The following MRTFA variants were observed in gnomAD, a reference collection of about 807,000 sequenced individuals.
The protein encoded by MRTFA is myocardin-related transcription factor A.
Under a neutral mutation model 83.5 loss-of-function variants are expected in MRTFA, and 20 were observed. The observed-to-expected ratio is 0.24, with a 90% CI of 0.17 to 0.35. MRTFA has a LOEUF of 0.35. Among genes scored for constraint, MRTFA ranks in the 10% least tolerant of loss-of-function variants. MRTFA has a pLI of 1.00. For synonymous variants in MRTFA, 659 were observed against 541.2 expected (o/e 1.22, Z -3.02); for missense variants, 1,200 against 1,224.7 (o/e 0.98, Z 0.30).
At chr22:40,477,403 A>C (rs1197102504) in intron 3 of MRTFA, among the ~76,000 whole-genome samples, 1 of 151,872 alleles carries the variant, frequency 6.6e-6, no homozygotes, top group African/African-American at 2.4e-5. Context: ...GGGAGACCAA[A>C]AGACATCAGA....
intron 3 of MRTFA, among the ~76,000 whole-genome samples, chr22:40,536,317 T>G (rs2055172845): frequency 2.0e-5 from 3 of 151,062 alleles, no homozygotes; most frequent in African/African-American, 7.2e-5. Flanking sequence ...AATAAATAAA[T>G]GGGCCGAAGC....
chr22:40,530,577 G>A (rs1019479755), intron 3 of MRTFA, among the ~76,000 whole-genome samples: 1 of 152,234 alleles, frequency 6.6e-6, no homozygotes, highest in Non-Finnish European at 1.5e-5. Flanking sequence ...GATTACAGGC[G>A]TGCGCCACCG....
chr22:40,502,236 C>G (rs1333483991), intron 3 of MRTFA, among the ~76,000 whole-genome samples: 1 of 140,134 alleles, frequency 7.1e-6, no homozygotes, highest in African/African-American at 2.7e-5. Flanking sequence ...GGGTGGCTGC[C>G]GGGTGGAGAG....
chr22:40,458,865 G>A lies in MRTFA; in HGVS notation c.307+4356C>T, dbSNP rs1016738720. Among the ~76,000 whole-genome samples, 29 of 152,004 alleles carry A rather than the reference G, an allele frequency of 1.9e-4. 1 individual carries two copies. Among genetic ancestry groups the A allele is most frequent in the African/African-American group, 6.5e-4 (27 of 41,376 alleles). Reference sequence around the variant, plus strand: ...GGCCGAGGTGGGCAGATCACTTGAGGTCAGGAGTTCGAGACCACCCTGGCC... The same window carrying A: ...GGCCGAGGTGGGCAGATCACTTGAGATCAGGAGTTCGAGACCACCCTGGCC... On this transcript the variant is annotated intron_variant, in intron 4 of 14. Coordinates refer to ENST00000355630, the MANE Select transcript of MRTFA (RefSeq NM_020831.6).
At chr22:40,622,071 G>A (rs1401267669) in intron 1 of MRTFA, among the ~76,000 whole-genome samples, 2 of 152,200 alleles carry the variant, frequency 1.3e-5, no homozygotes, top group African/African-American at 4.8e-5. Context: ...GAGCAGAGAA[G>A]AGACTATGAT....
intron 4 of MRTFA, among the ~76,000 whole-genome samples, chr22:40,459,782 T>TATACACAC (rs1261144482): frequency 3.0e-4 from 27 of 88,922 alleles, no homozygotes; most frequent in East Asian, 9.7e-4. Context: ...TGATAAAATA[T>TATACACAC]ACACACACAC....
intron 3 of MRTFA, among the ~76,000 whole-genome samples, chr22:40,508,177 G>T (rs1252457220): frequency 6.6e-6 from 1 of 151,948 alleles, no homozygotes; most frequent in Admixed American, 6.6e-5. Flanking sequence ...CACAGATGCT[G>T]ATAGGATGTG....
chr22:40,495,045 A>T (rs555671358), intron 3 of MRTFA, among the ~76,000 whole-genome samples: 98 of 150,684 alleles, frequency 6.5e-4, no homozygotes, highest in East Asian at 2.9e-3. Flanking sequence ...TTTTTTTTTT[A>T]AAAAAGCAGA....
chr22:40,542,853 A>C (rs1040752977), intron 3 of MRTFA, among the ~76,000 whole-genome samples: 1 of 152,238 alleles, frequency 6.6e-6, no homozygotes, highest in Non-Finnish European at 1.5e-5. Context: ...TTAAAAACAC[A>C]CATTTGCAAG....
chr22:40,506,390 G>A (rs544804225), intron 3 of MRTFA, among the ~76,000 whole-genome samples: 2 of 152,314 alleles, frequency 1.3e-5, no homozygotes, highest in African/African-American at 4.8e-5. Flanking sequence ...AATTTGCCAA[G>A]TAGTCTAGAA....
intron 3 of MRTFA, among the ~76,000 whole-genome samples, chr22:40,497,046 G>C (rs1602337518): frequency 6.6e-6 from 1 of 152,160 alleles, no homozygotes; most frequent in African/African-American, 2.4e-5. Flanking sequence ...AGGTGTTGTG[G>C]ACACAGAAAG....
At chr22:40,561,214 G>GTC (rs1569328927) in intron 2 of MRTFA, among the ~76,000 whole-genome samples, 1 of 70,410 alleles carries the variant, frequency 1.4e-5, no homozygotes, top group Admixed American at 1.3e-4. Context: ...GTGTGTGTCT[G>GTC]TGTGTGTGTG....
chr22:40,582,568 T>A (rs913081687), intron 2 of MRTFA, among the ~76,000 whole-genome samples: 7 of 152,078 alleles, frequency 4.6e-5, no homozygotes, highest in Middle Eastern at 6.8e-3. Flanking sequence ...CCCAAAAAAA[T>A]TCATCAATTT....
At chr22:40,489,133 T>A (rs1030898130) in intron 3 of MRTFA, among the ~76,000 whole-genome samples, 14 of 152,082 alleles carry the variant, frequency 9.2e-5, no homozygotes, top group African/African-American at 3.4e-4. Context: ...TTTATAATAA[T>A]AAAACACAAG....
intron 3 of MRTFA, among the ~76,000 whole-genome samples, chr22:40,467,515 A>AG (rs1367669084): frequency 3.3e-5 from 5 of 152,196 alleles, no homozygotes; most frequent in Non-Finnish European, 5.9e-5. Flanking sequence ...TATTCATTTT[A>AG]GAAGCAATTA....
At chr22:40,457,154 C>T (rs1169216480) in intron 4 of MRTFA, among the ~76,000 whole-genome samples, 1 of 152,132 alleles carries the variant, frequency 6.6e-6, no homozygotes, top group Admixed American at 6.5e-5. Context: ...CACCTGAGGT[C>T]AGGAGTTCAA....
intron 2 of MRTFA, among the ~76,000 whole-genome samples, chr22:40,576,035 T>C (rs1307296957): frequency 6.6e-6 from 1 of 150,668 alleles, no homozygotes; most frequent in Non-Finnish European, 1.5e-5. Flanking sequence ...TTTCTTTTTT[T>C]TTTTTTTTTT....
At chr22:40,425,323 T>C (rs973938539) in intron 7 of MRTFA, among the ~76,000 whole-genome samples, 5 of 152,240 alleles carry the variant, frequency 3.3e-5, no homozygotes, top group African/African-American at 1.2e-4. Flanking sequence ...TGGCAGGTTC[T>C]GAGCTGATCT....
chr22:40,449,260 C>CGGTTTT (rs2053442273), intron 4 of MRTFA, among the ~76,000 whole-genome samples: 1 of 139,454 alleles, frequency 7.2e-6, no homozygotes, highest in South Asian at 2.3e-4. Context: ...GAACGAGACT[C>CGGTTTT]GGTCTCCAAA....
Sources: gnomAD v4.1 joint callset for allele counts (sites outside exome capture counted in the v4.1 genomes callset) on GRCh38, gnomAD v4.1.1 for gene constraint, MANE v1.5 for transcripts, NCBI Gene and HGNC (gene_info 2026-07-23, HGNC 2026-07-21) for gene names.